ESRRB: variants seen among roughly 807,000 people sequenced by gnomAD.
The protein encoded by ESRRB is estrogen related receptor beta, also known as steroid hormone receptor ERR2.
A neutral mutation model predicts 46.0 loss-of-function variants in ESRRB; 16 were observed. That is an observed-to-expected ratio of 0.35 (90% CI 0.24 to 0.53). The LOEUF (loss-of-function observed/expected upper bound fraction) is 0.53, where lower values mean the gene tolerates loss of function less well. Among genes scored for constraint, ESRRB ranks in the 20% least tolerant of loss-of-function variants. The probability of loss-of-function intolerance (pLI) is 0.93; values close to 1 mark genes in which losing one functional copy is unlikely to be tolerated. For missense variants in ESRRB, 488 were observed against 607.4 expected (o/e 0.80, Z 2.07); for synonymous variants, 246 against 259.6 (o/e 0.95, Z 0.50).
intron 1 of ESRRB, among the ~76,000 whole-genome samples, chr14:76,399,790 G>T (rs116093914): frequency 5.9e-5 from 9 of 152,288 alleles, no homozygotes; most frequent in Admixed American, 4.6e-4. Context: ...AGGGGACAGC[G>T]CTCACTAGGG....
intron 1 of ESRRB, among the ~76,000 whole-genome samples, chr14:76,427,378 C>T (rs1887250150): frequency 6.6e-6 from 1 of 151,672 alleles, no homozygotes; most frequent in South Asian, 2.1e-4. Context: ...TGTACGTGTA[C>T]ATGCATGTGC....
At chr14:76,460,759 T>A (rs953442342) in intron 2 of ESRRB, among the ~76,000 whole-genome samples, 3 of 146,470 alleles carry the variant, frequency 2.0e-5, no homozygotes, top group African/African-American at 8.0e-5. Flanking sequence ...TGGAGTGCAA[T>A]GGCGCAATCT....
rs1457252244 is a variant in ESRRB, at chr14:76,376,378, A to G, written c.-24A>G. ...ATTTCCCCGCCGTCTTTCTCTACCA[A>G]CTGGGAATGCTAAAACGGGACTGAT... On this transcript the variant is annotated 5_prime_UTR_variant, in exon 1 of 7. Coordinates refer to ENST00000644823, the MANE Select transcript of ESRRB (RefSeq NM_001379180.1). This position sits in a 1 kb window ranked among gnomAD's most constrained non-coding sequence, Gnocchi z 4.1. The G allele has an allele frequency of 5.7e-6, 7 of 1,230,948 alleles. No individual in the cohort carries two copies. Among genetic ancestry groups the G allele is most frequent in the Non-Finnish European group, 7.1e-6 (7 of 987,580 alleles). The allele number at this position is 1,230,948 out of a possible 1,614,324, so 76.3% of individuals were successfully genotyped here. A position where few individuals can be genotyped will look rare whatever the true frequency, so the allele number is the denominator to read the frequency against.
intron 1 of ESRRB, among the ~76,000 whole-genome samples, chr14:76,398,907 G>A (rs1029076719): frequency 1.3e-5 from 2 of 152,156 alleles, no homozygotes; most frequent in African/African-American, 4.8e-5. Flanking sequence ...CATTTGATTC[G>A]GTTCAGCCTC....
In ESRRB at chr14:76,444,994, C is replaced by T. The variant is rs190955202; in HGVS notation, c.460+5244C>T. 3.1e-3 allele frequency among the ~76,000 whole-genome samples: 465 copies of T among 151,798 alleles called. 4 individuals are homozygous for T. Among genetic ancestry groups the T allele is most frequent in the African/African-American group, 0.011 (453 of 41,356 alleles). ...CCCAGCTTGTGTAACAAAGCGAGACCCTCATCTCTACAATAAATTTTTTAA... is the reference window on the plus strand; with the variant it reads ...CCCAGCTTGTGTAACAAAGCGAGACTCTCATCTCTACAATAAATTTTTTAA... On this transcript the variant is annotated intron_variant, in intron 2 of 6. Coordinates refer to ENST00000644823, the MANE Select transcript of ESRRB (RefSeq NM_001379180.1).
intron 2 of ESRRB, among the ~76,000 whole-genome samples, chr14:76,446,884 C>T (rs1888169912): frequency 1.3e-5 from 2 of 152,200 alleles, no homozygotes; most frequent in Admixed American, 1.3e-4. Context: ...GAAAAGTCAG[C>T]TGCTTCTGGG....
intron 2 of ESRRB, among the ~76,000 whole-genome samples, chr14:76,443,177 T>C (rs967262532): frequency 5.9e-5 from 9 of 152,176 alleles, no homozygotes; most frequent in Non-Finnish European, 1.2e-4. Flanking sequence ...AAAAAAATTC[T>C]AGCAGTGCAA....
At chr14:76,475,114 G>A (rs952340348) in intron 3 of ESRRB, among the ~76,000 whole-genome samples, 4 of 151,974 alleles carry the variant, frequency 2.6e-5, no homozygotes, top group South Asian at 2.1e-4. Context: ...TGTGCCTATG[G>A]TCCCAGCTAC....
intron 2 of ESRRB, among the ~76,000 whole-genome samples, chr14:76,449,274 AG>A (rs1478867777): frequency 6.6e-6 from 1 of 152,144 alleles, no homozygotes; most frequent in Non-Finnish European, 1.5e-5. Flanking sequence ...CTCCCAGGCC[AG>A]GCATGGTGGC....
chr14:76,404,171 C>A (rs994815917), intron 1 of ESRRB, among the ~76,000 whole-genome samples: 12 of 151,996 alleles, frequency 7.9e-5, no homozygotes, highest in Non-Finnish European at 1.6e-4. Context: ...GGAAGAGTCT[C>A]ATGTGTATGT....
chr14:76,453,784 G>A (rs1466004477), intron 2 of ESRRB, among the ~76,000 whole-genome samples: 1 of 151,816 alleles, frequency 6.6e-6, no homozygotes, highest in Non-Finnish European at 1.5e-5. Context: ...CTAATTTTTT[G>A]TATTTTTGGT....
At chr14:76,445,230 G>T (rs1055012303) in intron 2 of ESRRB, among the ~76,000 whole-genome samples, 3 of 150,386 alleles carry the variant, frequency 2.0e-5, no homozygotes, top group Non-Finnish European at 4.4e-5. Context: ...AGCACTTTGG[G>T]AGGCCAAGGC....
intron 2 of ESRRB, among the ~76,000 whole-genome samples, chr14:76,456,051 CACACA>C (rs1888595592): frequency 2.1e-5 from 3 of 145,766 alleles, no homozygotes; most frequent in Non-Finnish European, 3.0e-5. Flanking sequence ...CACACACACA[CACACA>C]CACACACACA....
rs116218301 is a variant in ESRRB, at chr14:76,397,308, G to A, written c.50+20857G>A. Among the ~76,000 whole-genome samples, 353 of 152,206 alleles carry A rather than the reference G, an allele frequency of 2.3e-3. 1 individual carries two copies. Among genetic ancestry groups the A allele is most frequent in the African/African-American group, 6.6e-3 (275 of 41,542 alleles). ...TAGAGGTGACCCAGGACCCCCTAGC[G>A]GCCAAGACCCCAGTCAACGGCACCC... On this transcript the variant is annotated intron_variant, in intron 1 of 6. Coordinates refer to ENST00000644823, the MANE Select transcript of ESRRB (RefSeq NM_001379180.1).
At chr14:76,446,074 C>T (rs1204053214) in intron 2 of ESRRB, among the ~76,000 whole-genome samples, 1 of 152,232 alleles carries the variant, frequency 6.6e-6, no homozygotes, top group Non-Finnish European at 1.5e-5. Flanking sequence ...AAACTACGGC[C>T]TGTAAGCCAG....
intron 1 of ESRRB, among the ~76,000 whole-genome samples, chr14:76,405,880 C>T (rs187406702): frequency 1.2e-4 from 18 of 152,000 alleles, no homozygotes; most frequent in Admixed American, 9.8e-4. Flanking sequence ...GATTGTGCCG[C>T]GTCACTCCAG....
chr14:76,410,777 AT>A (rs1050361120), intron 1 of ESRRB, among the ~76,000 whole-genome samples: 1 of 150,640 alleles, frequency 6.6e-6, no homozygotes, highest in Admixed American at 6.6e-5. Context: ...TTTTCTTCTT[AT>A]TTTTTTTTAT....
At chr14:76,451,520 A>T (rs187259127) in intron 2 of ESRRB, among the ~76,000 whole-genome samples, 264 of 152,308 alleles carry the variant, frequency 1.7e-3, no homozygotes, top group African/African-American at 6.1e-3. Context: ...AATTAATCAG[A>T]TCTCCTTTCA....
rs148051831 is a variant in ESRRB at position 76,350,612 on chromosome 14, A to G, written c.2+39696A>G. Among the ~76,000 whole-genome samples the G allele has an allele frequency of 8.5e-5, 13 of 152,332 alleles. No homozygotes were observed. In the East Asian group the frequency reaches 2.5e-3, roughly 29 times the overall value. Reference sequence around the variant, plus strand: ...ACTTTGTTTATTTTCAAACCAGAATATCCTAAGCCAAGCAAATCAATATTC... The same window carrying G: ...ACTTTGTTTATTTTCAAACCAGAATGTCCTAAGCCAAGCAAATCAATATTC... On this transcript the variant is annotated intron_variant, in intron 1 of 6. Coordinates refer to the ESRRB transcript ENST00000512784.
Sources: allele counts gnomAD v4.1 joint callset (sites outside exome capture counted in the v4.1 genomes callset), GRCh38; gene constraint gnomAD v4.1.1; non-coding constraint Gnocchi (gnomAD v3.1); transcripts MANE v1.5; gene names NCBI Gene and HGNC (gene_info 2026-07-23, HGNC 2026-07-21).